RPH3A: variants seen among roughly 807,000 people sequenced by gnomAD.
RPH3A encodes rabphilin 3A.
A neutral mutation model predicts 102.2 loss-of-function variants in RPH3A; 48 were observed. That is an observed-to-expected ratio of 0.47 (90% CI 0.37 to 0.60). The LOEUF (loss-of-function observed/expected upper bound fraction) is 0.60. RPH3A is among the 20% of genes least tolerant of loss of function. The pLI is 0.00. For missense variants in RPH3A, 781 were observed against 910.1 expected (o/e 0.86, Z 1.83); for synonymous variants, 310 against 324.3 (o/e 0.96, Z 0.47).
At chr12:112,655,563 C>CTTTTTTTTTTTTTTTTTTT (rs71086113) in intron 1 of RPH3A, among the ~76,000 whole-genome samples, 2 of 55,570 alleles carry the variant, frequency 3.6e-5, no homozygotes, top group Non-Finnish European at 6.5e-5. Flanking sequence ...TTTTGTTGGT[C>CTTTTTTTTTTTTTTTTTTT]TTTTTTTTTT....
chr12:112,658,400 C>T (rs922324828), intron 1 of RPH3A, among the ~76,000 whole-genome samples: 22 of 152,166 alleles, frequency 1.4e-4, no homozygotes, highest in African/African-American at 5.1e-4. Flanking sequence ...TGGTCTTGAA[C>T]TCCTGACCTC....
chr12:112,706,318 A>G (rs1271524654), intron 1 of RPH3A, among the ~76,000 whole-genome samples: 1 of 152,210 alleles, frequency 6.6e-6, no homozygotes, highest in African/African-American at 2.4e-5. Context: ...TCAACTCTTC[A>G]GGTGGGATAA....
intron 4 of RPH3A, among the ~76,000 whole-genome samples, chr12:112,839,091 C>CT (rs3837522): frequency 0.48 from 72,282 of 151,848 alleles, 17,716 homozygotes; most frequent in African/African-American, 0.57. Context: ...AGCAGGTTAC[C>CT]ACAGTGGTCT....
chr12:112,676,106 T>C (rs1042516358), intron 1 of RPH3A, among the ~76,000 whole-genome samples: 1 of 152,064 alleles, frequency 6.6e-6, no homozygotes, highest in Non-Finnish European at 1.5e-5. Context: ...GGGAGAAATA[T>C]CCTGGCTTCT....
chr12:112,678,953 C>T (rs1407252830), intron 1 of RPH3A, among the ~76,000 whole-genome samples: 1 of 152,036 alleles, frequency 6.6e-6, no homozygotes, highest in Non-Finnish European at 1.5e-5. Context: ...TCCTTTCTGT[C>T]TCTATCCTTG....
In RPH3A at chr12:112,828,285, G is replaced by T; in HGVS notation, c.-18-16G>T. On this transcript the variant is annotated splice_polypyrimidine_tract_variant and intron_variant, in intron 2 of 21. Transcript: ENST00000389385. ...GAATGATGGGGTGATGTCCTCTCTG[G>T]ATTGATGTTTTCCAGGAGCACTAGA... 6.3e-7 allele frequency: 1 copy of T among 1,578,880 alleles called. No homozygotes were observed. The highest frequency in any genetic ancestry group is 8.7e-7 in the Non-Finnish European group (1 of 1,149,322).
rs146722942 is a variant in RPH3A at position 112,720,210 on chromosome 12, G to A, written c.-139-71933G>A. Among the ~76,000 whole-genome samples, 282 of 152,358 alleles carry A rather than the reference G, an allele frequency of 1.9e-3. 2 individuals are homozygous for A. The Middle Eastern group carries it at 0.02, about 11-fold the overall frequency. On this transcript the variant is annotated intron_variant, in intron 1 of 21. Transcript: ENST00000543106. Reference sequence around the variant, plus strand: ...CATGCACGTGTGCTCATGCATCCATGCATGTGTATGTGTGTCTTTGGAGAT... The same window carrying A: ...CATGCACGTGTGCTCATGCATCCATACATGTGTATGTGTGTCTTTGGAGAT...
intron 4 of RPH3A, among the ~76,000 whole-genome samples, chr12:112,842,504 C>A (rs1368884848): frequency 6.6e-6 from 1 of 152,150 alleles, no homozygotes; most frequent in Non-Finnish European, 1.5e-5. Flanking sequence ...GGAATCAGAG[C>A]TATATGACCC....
At chr12:112,875,769 C>T (rs1394754136) in intron 12 of RPH3A, 28 bp downstream of exon 12, 3 of 1,608,614 alleles carry the variant, frequency 1.9e-6, no homozygotes, top group Non-Finnish European at 2.6e-6. Flanking sequence ...CCCATGCCTG[C>T]CCAAGTGGCC....
intron 1 of RPH3A, among the ~76,000 whole-genome samples, chr12:112,652,599 G>A (rs1592926786): frequency 1.3e-5 from 2 of 152,194 alleles, no homozygotes; most frequent in African/African-American, 4.8e-5. Flanking sequence ...TGATCTTGGA[G>A]AGTCTCACCA....
intron 2 of RPH3A, among the ~76,000 whole-genome samples, chr12:112,822,543 C>T (rs2041799548): frequency 6.6e-6 from 1 of 152,078 alleles, no homozygotes; most frequent in Non-Finnish European, 1.5e-5. Context: ...GCAGGCAGAA[C>T]CAATGGCAAA....
rs745644334 is a variant in RPH3A, at chr12:112,704,332, C to T, written c.-139-87811C>T. ...CTCGAACTCCTGACCTCAGGTGATC[C>T]GCCCACCTCAGCCTCCCAAAATGCT... On this transcript the variant is annotated intron_variant, in intron 1 of 21. Transcript: ENST00000543106. Among the ~76,000 whole-genome samples the T allele has an allele frequency of 4.6e-4, 70 of 152,094 alleles. 1 individual carries two copies. The highest frequency in any genetic ancestry group is 9.3e-4 in the Non-Finnish European group (63 of 68,012).
At chr12:112,746,256 A>G (rs1461610922) in intron 1 of RPH3A, among the ~76,000 whole-genome samples, 7 of 152,176 alleles carry the variant, frequency 4.6e-5, no homozygotes, top group African/African-American at 1.7e-4. Context: ...TGTGGCAAAC[A>G]TACATTAAAC....
rs148229185 is a variant in RPH3A at position 112,618,534 on chromosome 12, C to G, written c.-140+43215C>G. ...TGCTTACTGAAATGTTTCTTCCTCA[C>G]AAGTACATTGCCCATTTCAAGAGGA... is the stretch of plus-strand genomic sequence containing the variant. On this transcript the variant is annotated intron_variant, in intron 1 of 21. Coordinates refer to the RPH3A transcript ENST00000543106. 3.0e-3 allele frequency among the ~76,000 whole-genome samples: 457 copies of G among 152,272 alleles called. 5 individuals carry two copies. The highest frequency in any genetic ancestry group is 0.01 in the African/African-American group (428 of 41,520).
At chr12:112,810,246 C>T (rs2041546900) in intron 2 of RPH3A, among the ~76,000 whole-genome samples, 1 of 152,076 alleles carries the variant, frequency 6.6e-6, no homozygotes, top group Non-Finnish European at 1.5e-5. Flanking sequence ...AGATGGGAAC[C>T]CTCCTAAACC....
intron 1 of RPH3A, among the ~76,000 whole-genome samples, chr12:112,713,318 C>T (rs1336689033): frequency 6.6e-6 from 1 of 151,956 alleles, no homozygotes; most frequent in East Asian, 1.9e-4. Context: ...TATACTTATC[C>T]TTCTGCAACT....
intron 1 of RPH3A, among the ~76,000 whole-genome samples, chr12:112,703,713 C>T (rs768818299): frequency 2.5e-4 from 38 of 152,198 alleles, no homozygotes; most frequent in Non-Finnish European, 5.9e-5. Context: ...CCCTGTCTCA[C>T]GACTTCACCC....
chr12:112,707,893 G>A (rs2040435952), intron 1 of RPH3A, among the ~76,000 whole-genome samples: 1 of 152,250 alleles, frequency 6.6e-6, no homozygotes, highest in Non-Finnish European at 1.5e-5. Context: ...AGGCTGCCAA[G>A]TGAGGAGATA....
chr12:112,723,752 C>T (rs1420239537), intron 1 of RPH3A, among the ~76,000 whole-genome samples: 2 of 152,330 alleles, frequency 1.3e-5, no homozygotes, highest in East Asian at 1.9e-4. Context: ...GGTGGATACT[C>T]TCAACACTTG....
Sources: gnomAD v4.1 joint callset for allele counts (sites outside exome capture counted in the v4.1 genomes callset) on GRCh38, gnomAD v4.1.1 for gene constraint, MANE v1.5 for transcripts, NCBI Gene and HGNC (gene_info 2026-07-23, HGNC 2026-07-21) for gene names.